Variants in EVX1 observed in about 807,000 individuals in gnomAD.
EVX1 encodes the protein even-skipped homeobox 1, also known as homeobox even-skipped homolog protein 1.
Under a neutral mutation model 28.6 loss-of-function variants are expected in EVX1, and 19 were observed. That is an observed-to-expected ratio of 0.67 (90% CI 0.46 to 0.98). The LOEUF (loss-of-function observed/expected upper bound fraction) is 0.98, where lower values mean the gene tolerates loss of function less well. EVX1 is among the 50% of genes least tolerant of loss of function. EVX1 has a pLI of 0.00. For synonymous variants in EVX1, 324 were observed against 278.2 expected (o/e 1.16, Z -1.64); for missense variants, 660 against 583.0 (o/e 1.13, Z -1.36).
intron 2 of EVX1, 126 bp from the exon 3 acceptor site, chr7:27,245,760 A>G: frequency 7.4e-7 from 1 of 1,347,258 alleles, no homozygotes; most frequent in Non-Finnish European, 9.9e-7. Flanking sequence ...GTCGGTCTCT[A>G]CCCGGCTGGT....
At position 27,247,278 on chromosome 7, in the gene EVX1, T is replaced by G. The variant is rs565789715; in HGVS notation, c.*853T>G. On this transcript the variant is annotated 3_prime_UTR_variant, in exon 3 of 3. Transcript: ENST00000496902. Reference sequence around the variant, plus strand: ...GATGTGTGCGAGGAGGGTTTGTGAATGTTGAATGTGTAATAATGATCACCA... The same window carrying G: ...GATGTGTGCGAGGAGGGTTTGTGAAGGTTGAATGTGTAATAATGATCACCA... 3 of 152,250 alleles carry G rather than the reference T, an allele frequency of 2.0e-5. No homozygotes were observed. The East Asian group carries it at 5.8e-4, about 29-fold the overall frequency. The allele number at this position is 152,250 out of a possible 1,614,324, so 9.4% of individuals were successfully genotyped here.
intron 1 of EVX1, chr7:27,244,378 G>A (rs1348698804): frequency 2.4e-6 from 1 of 419,394 alleles, no homozygotes; most frequent in Non-Finnish European, 3.2e-6. Flanking sequence ...GGGGCGGGGG[G>A]GAGAAAGACC....
Position 27,246,649 on chromosome 7 carries a change from A to T in EVX1, c.*224A>T. 3.6e-6 allele frequency: 2 copies of T among 548,546 alleles called. No individual in the cohort carries two copies. The highest frequency in any genetic ancestry group is 6.3e-6 in the Non-Finnish European group (2 of 319,838). 34.0% of individuals were successfully genotyped at this position (548,546 alleles called of 1,614,324 possible). A position where few individuals can be genotyped will look rare whatever the true frequency, so the allele number is the denominator to read the frequency against. ...GGAGCAGGAGTGGGGATAGGGAAGC[A>T]GAGCTTGAGAGACCTTCCTCCGGGG... On this transcript the variant is annotated 3_prime_UTR_variant, in exon 3 of 3. Transcript: ENST00000496902.
intron 2 of EVX1, 33 bp from the exon 3 acceptor site, chr7:27,245,853 C>T: frequency 6.3e-7 from 1 of 1,597,996 alleles, no homozygotes; most frequent in Non-Finnish European, 8.5e-7. Flanking sequence ...GGGCCAAGTC[C>T]AGCTACTGAA....
chr7:27,247,670 G>A lies in EVX1; in HGVS notation c.*1245G>A, dbSNP rs17501878. On this transcript the variant is annotated 3_prime_UTR_variant, in exon 3 of 3. Transcript: ENST00000496902. ...GCCAGTTTTTGAGGAAGAGGAGAAC[G>A]TGTAACCCCAATGCAAGCTTCACCC... 6.6e-6 allele frequency: 1 copy of A among 152,134 alleles called. No homozygotes were observed. The highest frequency in any genetic ancestry group is 1.5e-5 in the Non-Finnish European group (1 of 68,052). The allele number at this position is 152,134 out of a possible 1,614,324, so 9.4% of individuals were successfully genotyped here.
rs116496619 is a variant in EVX1, at chr7:27,244,769, G to C, written c.428-279G>C. Among the ~76,000 whole-genome samples, 1,013 of 152,324 alleles carry C rather than the reference G, an allele frequency of 6.7e-3. 15 individuals carry two copies. The highest frequency in any genetic ancestry group is 0.023 in the African/African-American group (959 of 41,568). ...AGGCAGAAATCTCACCTATGCTCCA[G>C]GGCAGGTGGGAAGGGCGGCTGGGAA... On this transcript the variant is annotated intron_variant, in intron 1 of 2. Coordinates refer to ENST00000496902, the MANE Select transcript of EVX1 (RefSeq NM_001989.5).
At position 27,246,508 on chromosome 7, in the gene EVX1, T is replaced by TCCTCGCTCCTCGCC. The variant is rs1783197027; in HGVS notation, c.*87_*100dup. On this transcript the variant is annotated 3_prime_UTR_variant, in exon 3 of 3. Transcript: ENST00000496902. ...GGACTCAGCCAGCCTCGCTCCTCGC[T>TCCTCGCTCCTCGCC]CCTCGCTCCTCGCCCCTAGGACGCC... 23 of 1,343,706 alleles carry TCCTCGCTCCTCGCC rather than the reference T, an allele frequency of 1.7e-5. No individual in the cohort carries two copies. The South Asian group carries it at 2.7e-4, about 16-fold the overall frequency. 83.2% of individuals were successfully genotyped at this position (1,343,706 alleles called of 1,614,324 possible).
rs769593893 is a variant in EVX1 at position 27,245,885 on chromosome 7, G to C, written c.685-1G>C. ...TGAACCTGCTCCGCTCCTCTCCCCA[G>C]GTGTGGTTCCAGAACCGGCGCATGA... On this transcript the variant is annotated splice_acceptor_variant, in intron 2 of 2. Coordinates refer to ENST00000496902, the MANE Select transcript of EVX1 (RefSeq NM_001989.5). LOFTEE classifies it high-confidence loss of function. 3 of 1,611,186 alleles carry C rather than the reference G, an allele frequency of 1.9e-6. No homozygotes were observed. The highest frequency in any genetic ancestry group is 1.7e-6 in the Non-Finnish European group (2 of 1,179,552).
In EVX1 at chr7:27,246,535, A is replaced by AGGG; in HGVS notation, c.*113_*115dup. On this transcript the variant is annotated 3_prime_UTR_variant, in exon 3 of 3. Transcript: ENST00000496902. ...CTCGCTCCTCGCCCCTAGGACGCCAAGGGGGAAAGGAGAGGGCGGAAAAGG... is the reference window on the plus strand; with the variant it reads ...CTCGCTCCTCGCCCCTAGGACGCCAAGGGGGGGGAAAGGAGAGGGCGGAAAAGG... The AGGG allele has an allele frequency of 8.7e-7, 1 of 1,145,358 alleles. No individual in the cohort carries two copies. The allele number at this position is 1,145,358 out of a possible 1,614,324, so 70.9% of individuals were successfully genotyped here.
intron 1 of EVX1, chr7:27,244,411 C>G (rs17472997): frequency 1.2e-6 from 1 of 826,222 alleles, no homozygotes; most frequent in African/African-American, 1.9e-5. Context: ...TGGCAGCCAA[C>G]GCCTTGTTGA....
At chr7:27,245,587 C>CAGACCA (rs959876397) in intron 2 of EVX1, among the ~76,000 whole-genome samples, 1 of 152,212 alleles carries the variant, frequency 6.6e-6, no homozygotes, top group Non-Finnish European at 1.5e-5. Flanking sequence ...TCTGCGGCCG[C>CAGACCA]AGACCAATTG....
At chr7:27,243,770 G>A (rs1481168865) in intron 1 of EVX1, 1 of 290,918 alleles carries the variant, frequency 3.4e-6, no homozygotes, top group Non-Finnish European at 6.3e-6. Context: ...CAATTGCTCG[G>A]GGAAGACACT....
intron 1 of EVX1, chr7:27,244,599 CTGGCAG>C (rs1170895337): frequency 9.8e-6 from 6 of 610,784 alleles, no homozygotes; most frequent in Non-Finnish European, 1.3e-5. Context: ...CACACCTGTT[CTGGCAG>C]CCCGTCACAC....
Position 27,246,539 on chromosome 7 carries a change from G to GCGA in EVX1, c.*114_*115insCGA. The GCGA allele has an allele frequency of 9.1e-7, 1 of 1,098,848 alleles. No individual in the cohort carries two copies. The highest frequency in any genetic ancestry group is 1.3e-6 in the Non-Finnish European group (1 of 781,412). The allele number at this position is 1,098,848 out of a possible 1,614,324, so 68.1% of individuals were successfully genotyped here. A position where few individuals can be genotyped will look rare whatever the true frequency, so the allele number is the denominator to read the frequency against. On this transcript the variant is annotated 3_prime_UTR_variant, in exon 3 of 3. Coordinates refer to ENST00000496902, the MANE Select transcript of EVX1 (RefSeq NM_001989.5). ...CTCCTCGCCCCTAGGACGCCAAGGG[G>GCGA]GAAAGGAGAGGGCGGAAAAGGACCA... is the stretch of plus-strand genomic sequence containing the variant.
At chr7:27,244,357 G>A (rs936342602) in intron 1 of EVX1, 18 of 274,424 alleles carry the variant, frequency 6.6e-5, no homozygotes, top group African/African-American at 4.4e-4. Context: ...GGAGTGGGTG[G>A]AAAGAGCCTG....
At chr7:27,243,829 T>G (rs752493488) in intron 1 of EVX1, 18 of 193,872 alleles carry the variant, frequency 9.3e-5, no homozygotes, top group Non-Finnish European at 1.6e-4. Flanking sequence ...AGTTTGTGGC[T>G]GGCAGGGTGT....
chr7:27,247,726 G>C lies in EVX1; in HGVS notation c.*1301G>C, dbSNP rs565855810. On this transcript the variant is annotated 3_prime_UTR_variant, in exon 3 of 3. Transcript: ENST00000496902. The stretch of plus-strand genomic sequence containing the variant: ...GAGAGGGAGTGGTTCTTCCTGTAGG[G>C]AATGAATTTGGTTTGATTTGGGGTT... 3 of 152,356 alleles carry C rather than the reference G, an allele frequency of 2.0e-5. No individual in the cohort carries two copies. The highest frequency in any genetic ancestry group is 7.2e-5 in the African/African-American group (3 of 41,588). The allele number at this position is 152,356 out of a possible 1,614,324, so 9.4% of individuals were successfully genotyped here.
chr7:27,245,352 G>A, intron 2 of EVX1, 48 bp downstream of exon 2: 1 of 1,600,630 alleles, frequency 6.2e-7, no homozygotes, highest in Non-Finnish European at 8.5e-7. Context: ...TATTTAGCGG[G>A]AAGTAAATGC....
In EVX1 at chr7:27,246,294, G is replaced by C. The variant is rs766004579; in HGVS notation, c.1093G>C (p.Ala365Pro). 1.9e-6 allele frequency: 3 copies of C among 1,583,914 alleles called. No homozygotes were observed. In the Admixed American group the frequency reaches 5.1e-5, roughly 27 times the overall value. Residue 365 changes from alanine to proline, a missense_variant, in exon 3 of 3, where the codon GCC (alanine) becomes CCC (proline). Around this residue, in one of 3 missense-constraint regions of EVX1, gnomAD observed 299 missense variants for 241.3 expected, o/e 1.24. Coordinates refer to ENST00000496902, the MANE Select transcript of EVX1 (RefSeq NM_001989.5). ...GPANGLAPRA[A>P]AASDFTCAST... ...GGCCAACGGGCTGGCGCCCCGGGCTGCCGCCGCCTCGGACTTCACCTGTGC... is the reference window on the plus strand; with the variant it reads ...GGCCAACGGGCTGGCGCCCCGGGCTCCCGCCGCCTCGGACTTCACCTGTGC...
Sources: gnomAD v4.1 joint callset for allele counts (sites outside exome capture counted in the v4.1 genomes callset) on GRCh38, gnomAD v4.1.1 for gene constraint, gnomAD v4.1.1 regional missense constraint, MANE v1.5 for transcripts, NCBI Gene and HGNC (gene_info 2026-07-23, HGNC 2026-07-21) for gene names.